Variants in MAP4 observed in about 807,000 individuals in gnomAD.
The protein encoded by MAP4 is microtubule-associated protein 4.
Under a neutral mutation model 170.2 loss-of-function variants are expected in MAP4, and 76 were observed. The observed-to-expected ratio is 0.45, with a 90% CI of 0.37 to 0.54. The LOEUF (loss-of-function observed/expected upper bound fraction) is 0.54. MAP4 is among the 20% of genes least tolerant of loss of function. The pLI is 0.00. For synonymous variants in MAP4, 909 were observed against 994.5 expected, an observed-to-expected ratio of 0.91 and a Z score of 1.62; for missense variants, 2,506 against 2,748.0, an observed-to-expected ratio of 0.91 and a Z score of 1.97.
At chr3:47,863,699 G>A (rs371107106) in intron 17 of MAP4, among the ~76,000 whole-genome samples, 38 of 151,880 alleles carry the variant, frequency 2.5e-4, no homozygotes, top group African/African-American at 8.0e-4. Context: ...GAACCAAAAC[G>A]GACACAAAAT....
intron 3 of MAP4, chr3:47,974,752 A>G (rs1014751189): frequency 1.0e-6 from 1 of 979,194 alleles, no homozygotes; most frequent in East Asian, 1.1e-4. Context: ...TAGATTGTTA[A>G]GAGTCCGTCT....
At chr3:47,933,051 T>A (rs1577882040) in intron 3 of MAP4, among the ~76,000 whole-genome samples, 1 of 152,116 alleles carries the variant, frequency 6.6e-6, no homozygotes, top group South Asian at 2.1e-4. Context: ...TACAGGTGCA[T>A]GCCACCACAC....
intron 10 of MAP4, among the ~76,000 whole-genome samples, chr3:47,901,042 T>G (rs1326448573): frequency 1.3e-5 from 2 of 152,180 alleles, no homozygotes; most frequent in Non-Finnish European, 2.9e-5. Context: ...CACCTGCACT[T>G]CACTATGCAT....
chr3:48,072,131 G>A (rs1422158218), intron 1 of MAP4, among the ~76,000 whole-genome samples: 2 of 151,050 alleles, frequency 1.3e-5, no homozygotes, highest in African/African-American at 2.4e-5. Context: ...CCCAGGAGGC[G>A]GAAGTTGCAG....
At chr3:47,941,247 A>T (rs923957556) in intron 3 of MAP4, among the ~76,000 whole-genome samples, 10 of 145,156 alleles carry the variant, frequency 6.9e-5, no homozygotes, top group Non-Finnish European at 1.4e-4. Flanking sequence ...AAAAAAAAAA[A>T]GGAAGAAGAA....
intron 3 of MAP4, among the ~76,000 whole-genome samples, chr3:47,936,709 G>A (rs1315582003): frequency 6.6e-6 from 1 of 151,694 alleles, no homozygotes; most frequent in Non-Finnish European, 1.5e-5. Context: ...GCCCAGGCAC[G>A]GTGGCTGGCG....
rs1424249937 is a variant in MAP4, at chr3:47,979,921, C to T, written c.224-1988G>A. Among the ~76,000 whole-genome samples, 9 of 151,648 alleles carry T rather than the reference C, an allele frequency of 5.9e-5. No individual in the cohort carries two copies. In the East Asian group the frequency reaches 1.6e-3, roughly 26 times the overall value. On this transcript the variant is annotated intron_variant, in intron 2 of 20. Transcript: ENST00000683076. Reference sequence around the variant, plus strand: ...CTCACTGGAGCCTCGACTGCTCAGGCTCAAGCAATCCTCCCGCCTCAGCCT... The same window carrying T: ...CTCACTGGAGCCTCGACTGCTCAGGTTCAAGCAATCCTCCCGCCTCAGCCT...
chr3:48,050,845 C>T (rs35979968), intron 1 of MAP4, among the ~76,000 whole-genome samples: 27,857 of 148,864 alleles, frequency 0.19, 3,217 homozygotes, highest in Non-Finnish European at 0.26. Flanking sequence ...GCAGAGGTTG[C>T]GGTGAGCTGA....
chr3:48,084,453 T>C (rs2100148085), intron 1 of MAP4, among the ~76,000 whole-genome samples: 3 of 151,972 alleles, frequency 2.0e-5, no homozygotes, highest in Admixed American at 2.0e-4. Flanking sequence ...CCTTAAAATG[T>C]TAATGACATC....
In MAP4 at chr3:47,911,395, C is replaced by T; in HGVS notation, c.3026G>A (p.Gly1009Glu). ...TTTTAGTTCTTTATCCTCTTCAGCT[C>T]CTTCAGGAAACTCCTTCAGTTTGAC... ...QNVKLKEFPEGAEEDKELKKE... is the reference protein window; with the variant it reads ...QNVKLKEFPEEAEEDKELKKE... Residue 1009 changes from glycine (G) to glutamate (E), a missense_variant, in exon 9 of 21, where the codon GGA (glycine) becomes GAA (glutamate). Around this residue, in one of 3 missense-constraint regions of MAP4, gnomAD observed 2,008 missense variants for 2,206.0 expected, o/e 0.91. Coordinates refer to ENST00000683076, the MANE Select transcript of MAP4 (RefSeq NM_001385682.1). The surrounding 1 kb of genome is among the most constrained non-coding windows in gnomAD (Gnocchi z 4.0). 2 of 1,536,082 alleles carry T rather than the reference C, an allele frequency of 1.3e-6. No individual in the cohort carries two copies. Among genetic ancestry groups the T allele is most frequent in the Non-Finnish European group, 1.7e-6 (2 of 1,146,894 alleles).
chr3:48,005,136 C>T (rs1163234234), intron 1 of MAP4, among the ~76,000 whole-genome samples: 2 of 152,032 alleles, frequency 1.3e-5, no homozygotes, highest in Non-Finnish European at 2.9e-5. Context: ...CCGAGGTGGG[C>T]GGATCACGAG....
At chr3:48,083,324 G>A (rs772528563) in intron 1 of MAP4, among the ~76,000 whole-genome samples, 5 of 152,136 alleles carry the variant, frequency 3.3e-5, no homozygotes, top group Non-Finnish European at 7.4e-5. Context: ...TTTAAAAGGA[G>A]TTTTAAACTA....
intron 1 of MAP4, among the ~76,000 whole-genome samples, chr3:48,001,088 G>A (rs2100098900): frequency 6.6e-6 from 1 of 152,162 alleles, no homozygotes; most frequent in African/African-American, 2.4e-5. Flanking sequence ...ATATATTAGA[G>A]TGGTGGCACA....
At chr3:47,974,000 C>G (rs1320846358) in intron 3 of MAP4, 1 of 985,344 alleles carries the variant, frequency 1.0e-6, no homozygotes, top group Non-Finnish European at 1.2e-6. Flanking sequence ...GAATCCAGCC[C>G]TTGTGACCAG....
chr3:47,888,289 C>T (rs889389524), intron 10 of MAP4, among the ~76,000 whole-genome samples: 7 of 152,222 alleles, frequency 4.6e-5, no homozygotes, highest in South Asian at 2.1e-4. Context: ...GTAACCCGCT[C>T]GGGTCCCCTT....
At chr3:47,866,375 CAAAA>C (rs560098321) in intron 17 of MAP4, among the ~76,000 whole-genome samples, 5 of 147,660 alleles carry the variant, frequency 3.4e-5, no homozygotes, top group Non-Finnish European at 6.0e-5. Context: ...AACAAACAAA[CAAAA>C]AAACAGGAAA....
chr3:47,950,736 A>G (rs1330054187), intron 3 of MAP4, among the ~76,000 whole-genome samples: 4 of 152,204 alleles, frequency 2.6e-5, no homozygotes, highest in African/African-American at 9.7e-5. Context: ...TTTAGTAACT[A>G]CAGAATAGAG....
intron 9 of MAP4, among the ~76,000 whole-genome samples, chr3:47,905,995 A>C (rs1262033835): frequency 6.6e-6 from 1 of 152,086 alleles, no homozygotes. Context: ...ACTCCATCTC[A>C]AAAAACAAAA....
rs559124112 is a variant in MAP4, at chr3:48,061,780, C to T, written c.-20+26993G>A. On this transcript the variant is annotated intron_variant, in intron 1 of 18. Coordinates refer to the MAP4 transcript ENST00000360240. ...GCCCCCGCCCGGCCAGCCGCCCCGT[C>T]CGGGAGGGAGGTGGGGGGCAGCCCC... Among the ~76,000 whole-genome samples, 1,383 of 151,222 alleles carry T rather than the reference C, an allele frequency of 9.1e-3. 7 individuals are homozygous for T. The highest frequency in any genetic ancestry group is 0.032 in the African/African-American group (1,332 of 41,214).
Sources: gnomAD v4.1 joint callset for allele counts (sites outside exome capture counted in the v4.1 genomes callset) on GRCh38, gnomAD v4.1.1 for gene constraint, gnomAD v4.1.1 regional missense constraint, Gnocchi (gnomAD v3.1) non-coding constraint, MANE v1.5 for transcripts, NCBI Gene and HGNC (gene_info 2026-07-23, HGNC 2026-07-21) for gene names.